CISD1: variants seen among roughly 807,000 people sequenced by gnomAD.
CISD1 encodes CDGSH iron sulfur domain 1.
In CISD1, 8 loss-of-function variants were observed where a neutral mutation model predicts 12.0. The observed-to-expected ratio is 0.67, with a 90% CI of 0.39 to 1.20. CISD1 has a LOEUF of 1.20. CISD1 is among the 50% of genes most tolerant of loss of function. CISD1 has a pLI of 0.01. For missense variants in CISD1, 107 were observed against 132.7 expected, an observed-to-expected ratio of 0.81 and a Z score of 0.95; for synonymous variants, 38 against 42.2, an observed-to-expected ratio of 0.90 and a Z score of 0.39.
chr10:58,276,931 A>T (rs1183917563), intron 1 of CISD1, among the ~76,000 whole-genome samples, 186 bp from the exon 2 acceptor site: 1 of 152,184 alleles, frequency 6.6e-6, no homozygotes, highest in Non-Finnish European at 1.5e-5. Context: ...AATTGCTTCA[A>T]TAAGGGCCAG....
chr10:58,286,200 G>C (rs1444438057), intron 2 of CISD1, among the ~76,000 whole-genome samples: 4 of 137,554 alleles, frequency 2.9e-5, no homozygotes, highest in Non-Finnish European at 1.6e-5. Flanking sequence ...GCAAGACTCC[G>C]TTTCAAAAAA....
chr10:58,283,556 A>C (rs1398408962), intron 2 of CISD1, among the ~76,000 whole-genome samples: 3 of 152,242 alleles, frequency 2.0e-5, no homozygotes, highest in African/African-American at 7.2e-5. Context: ...GAAGGAAGAT[A>C]GTCTTTAAAA....
intron 2 of CISD1, among the ~76,000 whole-genome samples, chr10:58,279,381 A>C (rs546464807): frequency 6.6e-6 from 1 of 152,256 alleles, no homozygotes; most frequent in African/African-American, 2.4e-5. Flanking sequence ...TTTTATGAAA[A>C]GTCCCAAGCA....
chr10:58,271,546 A>G (rs1044222515), intron 1 of CISD1, among the ~76,000 whole-genome samples: 16 of 152,170 alleles, frequency 1.1e-4, no homozygotes, highest in African/African-American at 3.9e-4. Flanking sequence ...ACTTTAAACC[A>G]AGTTTATTCC....
In CISD1 at chr10:58,277,341, T is replaced by A. The variant is rs1169871704; in HGVS notation, c.237+19T>A. On this transcript the variant is annotated intron_variant, in intron 2 of 2. Coordinates refer to ENST00000333926, the MANE Select transcript of CISD1 (RefSeq NM_018464.5). ...CAAAAAGGTGAGGAAAGCAATTCCT[T>A]CATACAGTACCATTTTTAATGTTAT... 6.7e-7 allele frequency: 1 copy of A among 1,484,590 alleles called. No individual in the cohort carries two copies. Among genetic ancestry groups the A allele is most frequent in the Non-Finnish European group, 9.2e-7 (1 of 1,088,256 alleles). The allele number at this position is 1,484,590 out of a possible 1,614,324, so 92.0% of individuals were successfully genotyped here.
intron 1 of CISD1, chr10:58,273,419 CATT>C (rs967815131): frequency 5.3e-5 from 8 of 151,754 alleles, no homozygotes; most frequent in South Asian, 2.1e-4. Flanking sequence ...AGAGGAGAAA[CATT>C]ATGATTCTAT....
At position 58,271,869 on chromosome 10, in the gene CISD1, G is replaced by C. The variant is rs191263839; in HGVS notation, c.31+2565G>C. Among the ~76,000 whole-genome samples the C allele has an allele frequency of 2.0e-5, 3 of 152,300 alleles. No homozygotes were observed. In the East Asian group the frequency reaches 5.8e-4, roughly 29 times the overall value. The stretch of plus-strand genomic sequence containing the variant: ...GATCCTGATCATTGAGATAGCTCTT[G>C]ATACCAGTATGGTCGATAAGACCAT... On this transcript the variant is annotated intron_variant, in intron 1 of 2. Transcript: ENST00000333926.
At chr10:58,287,144 C>T (rs886428530) in intron 2 of CISD1, among the ~76,000 whole-genome samples, 2 of 152,138 alleles carry the variant, frequency 1.3e-5, no homozygotes, top group Non-Finnish European at 2.9e-5. Flanking sequence ...TGGTCTTGAA[C>T]TCTTGACCTC....
intron 2 of CISD1, among the ~76,000 whole-genome samples, chr10:58,282,534 A>C (rs1417885836): frequency 6.6e-6 from 1 of 152,238 alleles, no homozygotes; most frequent in Non-Finnish European, 1.5e-5. Flanking sequence ...GTACATGCTC[A>C]GTACCCATAC....
intron 1 of CISD1, among the ~76,000 whole-genome samples, chr10:58,272,812 G>A (rs943803791): frequency 6.6e-6 from 1 of 152,148 alleles, no homozygotes; most frequent in African/African-American, 2.4e-5. Flanking sequence ...CCAGCTACTT[G>A]GGAGGCTGAG....
At chr10:58,270,386 CTT>C (rs981012028) in intron 1 of CISD1, among the ~76,000 whole-genome samples, 1 of 152,090 alleles carries the variant, frequency 6.6e-6, no homozygotes, top group Non-Finnish European at 1.5e-5. Flanking sequence ...CATCTTGAGA[CTT>C]TTTTTAATAG....
intron 1 of CISD1, among the ~76,000 whole-genome samples, chr10:58,270,098 T>C (rs1839227416): frequency 6.6e-6 from 1 of 152,206 alleles, no homozygotes; most frequent in South Asian, 2.1e-4. Context: ...TCTTTGCCCC[T>C]CTATAAAACG....
chr10:58,270,917 G>A (rs1839239257), intron 1 of CISD1, among the ~76,000 whole-genome samples: 1 of 151,268 alleles, frequency 6.6e-6, no homozygotes, highest in African/African-American at 2.5e-5. Flanking sequence ...AAGCTGGAGT[G>A]CAGTGTTGTG....
chr10:58,272,599 G>A (rs1385841436), intron 1 of CISD1, among the ~76,000 whole-genome samples: 1 of 152,118 alleles, frequency 6.6e-6, no homozygotes, highest in South Asian at 2.1e-4. Context: ...AAAAGGGATA[G>A]CTCCTATAAG....
intron 1 of CISD1, among the ~76,000 whole-genome samples, chr10:58,274,516 T>C (rs1839289895): frequency 6.8e-6 from 1 of 147,290 alleles, no homozygotes; most frequent in South Asian, 2.1e-4. Context: ...AGAATTAGAA[T>C]TTGGGAAGGG....
chr10:58,277,176 T>TA lies in CISD1; in HGVS notation c.92dup (p.Tyr31Ter). ...GACAGCTGCAATTGGTTATCTAGCT[T>TA]ACAAAAGATTTTATGTTAAAGATCA... ...AGTAAIGYLA[Y>*]KRFYVKDHRN... The change falls in exon 2 of 3, where the codon TAC becomes TAAC. Residue 31 changes from tyrosine to a stop codon, truncating the protein, a stop_gained and frameshift_variant. Transcript: ENST00000333926. LOFTEE classifies it high-confidence loss of function. 6.2e-7 allele frequency: 1 copy of TA among 1,612,532 alleles called. No homozygotes were observed. Among genetic ancestry groups the TA allele is most frequent in the Non-Finnish European group, 8.5e-7 (1 of 1,179,228 alleles).
chr10:58,285,455 T>C (rs1344184487), intron 2 of CISD1, among the ~76,000 whole-genome samples: 1 of 152,258 alleles, frequency 6.6e-6, no homozygotes. Context: ...CCTCTTACTT[T>C]ACTCTTCTAA....
intron 2 of CISD1, among the ~76,000 whole-genome samples, chr10:58,282,530 G>C (rs1839384551): frequency 6.6e-6 from 1 of 152,184 alleles, no homozygotes. Flanking sequence ...AAGTGTACAT[G>C]CTCAGTACCC....
chr10:58,269,184 A>T lies in CISD1; in HGVS notation c.-90A>T. 2.2e-6 allele frequency: 3 copies of T among 1,394,616 alleles called. No homozygotes were observed. Among genetic ancestry groups the T allele is most frequent in the Non-Finnish European group, 3.0e-6 (3 of 995,546 alleles). The allele number at this position is 1,394,616 out of a possible 1,614,324, so 86.4% of individuals were successfully genotyped here. On this transcript the variant is annotated 5_prime_UTR_variant, in exon 1 of 3. Transcript: ENST00000333926. The stretch of plus-strand genomic sequence containing the variant: ...GGTAGCATCGCGGAGTCGGTGCTTT[A>T]GTACGCCGCTGGCACCTTTACTCTC...
Sources: allele counts gnomAD v4.1 joint callset (sites outside exome capture counted in the v4.1 genomes callset), GRCh38; gene constraint gnomAD v4.1.1; transcripts MANE v1.5; gene names NCBI Gene and HGNC (gene_info 2026-07-23, HGNC 2026-07-21).